Variants in BRIP1 observed in about 807,000 individuals in gnomAD.
The protein encoded by BRIP1 is Fanconi anemia group J protein.
A neutral mutation model predicts 119.7 loss-of-function variants in BRIP1; 88 were observed. The observed-to-expected ratio is 0.74, with a 90% CI of 0.62 to 0.88. The LOEUF is 0.88. Ranked by LOEUF, BRIP1 falls within the 40% of genes least tolerant of loss-of-function variation. BRIP1 has a pLI of 0.00. For missense variants in BRIP1, 1,259 were observed against 1,455.4 expected, an observed-to-expected ratio of 0.87 and a Z score of 2.20; for synonymous variants, 443 against 496.5, an observed-to-expected ratio of 0.89 and a Z score of 1.43.
chr17:61,818,956 G>A (rs2078278871), intron 6 of BRIP1, among the ~76,000 whole-genome samples: 1 of 151,812 alleles, frequency 6.6e-6, no homozygotes, highest in African/African-American at 2.4e-5. Context: ...GAGGCCGAGG[G>A]GGGCAGATCA....
At chr17:61,764,203 A>G (rs2077318360) in intron 14 of BRIP1, among the ~76,000 whole-genome samples, 1 of 152,196 alleles carries the variant, frequency 6.6e-6, no homozygotes. Context: ...GTCCCCTTGC[A>G]TAAACCTCAT....
intron 13 of BRIP1, among the ~76,000 whole-genome samples, chr17:61,779,220 A>G (rs1004008441): frequency 6.6e-6 from 1 of 152,180 alleles, no homozygotes; most frequent in African/African-American, 2.4e-5. Flanking sequence ...GGCACAGAGG[A>G]AGAACGTGGA....
rs2077225376 is a variant in BRIP1 at position 61,758,162 on chromosome 17, T to A, written c.2098-13571A>T. The stretch of plus-strand genomic sequence containing the variant: ...TCATTTAGTTAAAATGTATATAATC[T>A]GACTTGTTTTGCTTTTTAAAAATGA... On this transcript the variant is annotated intron_variant, in intron 14 of 19. Coordinates refer to ENST00000259008, the MANE Select transcript of BRIP1 (RefSeq NM_032043.3). The surrounding 1 kb of genome is among the most constrained non-coding windows in gnomAD (Gnocchi z 5.3). Among the ~76,000 whole-genome samples, 1 of 152,238 alleles carries A rather than the reference T, an allele frequency of 6.6e-6. No individual in the cohort carries two copies. Among genetic ancestry groups the A allele is most frequent in the Non-Finnish European group, 1.5e-5 (1 of 68,038 alleles).
rs1396543242 is a variant in BRIP1 at position 61,717,150 on chromosome 17, C to T, written c.2380-1087G>A. Among the ~76,000 whole-genome samples the T allele has an allele frequency of 3.9e-5, 6 of 152,018 alleles. No individual in the cohort carries two copies. Among genetic ancestry groups the T allele is most frequent in the African/African-American group, 1.4e-4 (6 of 41,428 alleles). ...AGATAGTACAGAGATTCCTTATACC[C>T]TTTACCCAATTTCCCCTAATGTTAA... is the stretch of plus-strand genomic sequence containing the variant. On this transcript the variant is annotated intron_variant, in intron 16 of 19. Transcript: ENST00000259008. This position sits in a 1 kb window ranked among gnomAD's most constrained non-coding sequence, Gnocchi z 4.1.
chr17:61,837,529 T>C (rs1429464558), intron 6 of BRIP1, among the ~76,000 whole-genome samples: 1 of 152,074 alleles, frequency 6.6e-6, no homozygotes, highest in African/African-American at 2.4e-5. Flanking sequence ...TAAAGAATGT[T>C]AGCATTTATT....
In BRIP1 at chr17:61,684,278, G is replaced by T. The variant is rs561877170; in HGVS notation, c.2906-138C>A. 43 of 976,306 alleles carry T rather than the reference G, an allele frequency of 4.4e-5. No individual in the cohort carries two copies. The Middle Eastern group carries it at 1.3e-3, about 30-fold the overall frequency. 60.5% of individuals were successfully genotyped at this position (976,306 alleles called of 1,614,324 possible). On this transcript the variant is annotated intron_variant, in intron 19 of 19. Coordinates refer to ENST00000259008, the MANE Select transcript of BRIP1 (RefSeq NM_032043.3). The surrounding 1 kb of genome is among the most constrained non-coding windows in gnomAD (Gnocchi z 4.5). The stretch of plus-strand genomic sequence containing the variant: ...TTAGAGCCCCCAACGAATACTAGTG[G>T]ATTTTCATCTTGGAACAGAATATTA...
chr17:61,813,079 A>G (rs890099117), intron 6 of BRIP1, among the ~76,000 whole-genome samples: 1 of 152,146 alleles, frequency 6.6e-6, no homozygotes, highest in African/African-American at 2.4e-5. Context: ...TTCATTGCCA[A>G]AGAAGAAGTT....
In BRIP1 at chr17:61,776,687, G is replaced by A; in HGVS notation, c.1936-125C>T. ...TAACAATTTATTTTTAAATTGTCAG[G>A]GGGTTTTCTATTACCTTCAATTAAC... On this transcript the variant is annotated intron_variant, in intron 13 of 19. Transcript: ENST00000259008. The surrounding 1 kb of genome is among the most constrained non-coding windows in gnomAD (Gnocchi z 5.0). The A allele has an allele frequency of 9.5e-7, 1 of 1,052,954 alleles. No individual in the cohort carries two copies. Among genetic ancestry groups the A allele is most frequent in the South Asian group, 1.4e-5 (1 of 72,962 alleles). 65.2% of individuals were successfully genotyped at this position (1,052,954 alleles called of 1,614,324 possible).
chr17:61,781,356 T>G (rs1216066475), intron 11 of BRIP1, among the ~76,000 whole-genome samples: 1 of 152,216 alleles, frequency 6.6e-6, no homozygotes, highest in Non-Finnish European at 1.5e-5. Flanking sequence ...CATGCTCTAC[T>G]ACATGATGAG....
chr17:61,757,178 AC>A lies in BRIP1; in HGVS notation c.2098-12588del, dbSNP rs1364086869. Among the ~76,000 whole-genome samples the A allele has an allele frequency of 6.6e-6, 1 of 152,210 alleles. No homozygotes were observed. Among genetic ancestry groups the A allele is most frequent in the Non-Finnish European group, 1.5e-5 (1 of 68,034 alleles). ...AAAAAGTAGTAGTGTTTTTTAAATA[AC>A]TTTTTTAGTTACAGTAAAAATGAAT... On this transcript the variant is annotated intron_variant, in intron 14 of 19. Transcript: ENST00000259008. The surrounding 1 kb of genome is among the most constrained non-coding windows in gnomAD (Gnocchi z 4.3).
At position 61,686,006 on chromosome 17, in the gene BRIP1, G is replaced by T. The variant is rs571949350; in HGVS notation, c.2735C>A (p.Thr912Asn). 8.1e-6 allele frequency: 13 copies of T among 1,613,952 alleles called. No homozygotes were observed. In the South Asian group the frequency reaches 1.3e-4, roughly 16 times the overall value. ...AGGTGAGGTACTGTACTTTAAAGAG[G>T]TCACTTCAAGTGTAGACTCATTGTC... The part of the protein sequence containing the change: ...IQDNESTLEV[T>N]SLKYSTSPYL... The change falls in exon 19 of 20, where the codon ACC becomes AAC. Residue 912 changes from threonine (T) to asparagine (N), a missense_variant. Thr to Asn is a moderately conservative substitution (Grantham distance 65, BLOSUM62 0). Transcript: ENST00000259008. This position sits in a 1 kb window ranked among gnomAD's most constrained non-coding sequence, Gnocchi z 5.4.
rs1048060057 is a variant in BRIP1, at chr17:61,803,010, GTGT to G, written c.919-1539_919-1537del. Among the ~76,000 whole-genome samples, 36 of 151,910 alleles carry G rather than the reference GTGT, an allele frequency of 2.4e-4. No homozygotes were observed. Among genetic ancestry groups the G allele is most frequent in the African/African-American group, 8.4e-4 (35 of 41,450 alleles). On this transcript the variant is annotated intron_variant, in intron 7 of 19. Transcript: ENST00000259008. This position sits in a 1 kb window ranked among gnomAD's most constrained non-coding sequence, Gnocchi z 4.3. ...ATAGTTTCTAGCAAAGTTTAACATA[GTGT>G]TGTATGAATAGTCTAACAAGGTTCA...
chr17:61,858,502 T>C (rs574718687), intron 3 of BRIP1, among the ~76,000 whole-genome samples: 172 of 151,882 alleles, frequency 1.1e-3, no homozygotes, highest in African/African-American at 4.0e-3. Flanking sequence ...GCCTCTCGAG[T>C]AGCTGGGATT....
At position 61,683,734 on chromosome 17, in the gene BRIP1, T is replaced by C. The variant is rs1555572697; in HGVS notation, c.3312A>G (p.Glu1104=). The change falls in exon 20 of 20, where the codon GAA becomes GAG. Residue 1104 remains glutamate (E), a synonymous_variant. Coordinates refer to ENST00000259008, the MANE Select transcript of BRIP1 (RefSeq NM_032043.3). This position sits in a 1 kb window ranked among gnomAD's most constrained non-coding sequence, Gnocchi z 4.7. The part of the protein sequence containing the change: ...CSEEALDPDI[E]LSLVSEEDKQ... The stretch of plus-strand genomic sequence containing the variant: ...TATCTTCTTCACTTACTAGAGACAA[T>C]TCAATGTCTGGATCCAGGGCTTCTT... The C allele has an allele frequency of 6.2e-7, 1 of 1,614,138 alleles. No homozygotes were observed. The highest frequency in any genetic ancestry group is 8.5e-7 in the Non-Finnish European group (1 of 1,180,004).
intron 6 of BRIP1, among the ~76,000 whole-genome samples, chr17:61,833,180 C>G (rs190001305): frequency 2.0e-5 from 3 of 152,136 alleles, no homozygotes; most frequent in Admixed American, 6.5e-5. Flanking sequence ...ACACTCATGT[C>G]GGATGGGTTG....
In BRIP1 at chr17:61,705,641, T is replaced by G. The variant is rs2061680895; in HGVS notation, c.2492+10310A>C. 6.6e-6 allele frequency among the ~76,000 whole-genome samples: 1 copy of G among 152,204 alleles called. No homozygotes were observed. The highest frequency in any genetic ancestry group is 2.4e-5 in the African/African-American group (1 of 41,454). ...TTTTCTAGCTTCATAAGGTAGAAAC[T>G]AAGATCAATGATTTGAGGATGTTTT... On this transcript the variant is annotated intron_variant, in intron 17 of 19. Transcript: ENST00000259008. The surrounding 1 kb of genome is among the most constrained non-coding windows in gnomAD (Gnocchi z 5.0).
In BRIP1 at chr17:61,848,755, A is replaced by G. The variant is rs1049646762; in HGVS notation, c.507+374T>C. Among the ~76,000 whole-genome samples the G allele has an allele frequency of 2.6e-5, 4 of 152,222 alleles. No individual in the cohort carries two copies. Among genetic ancestry groups the G allele is most frequent in the Admixed American group, 2.6e-4 (4 of 15,286 alleles). On this transcript the variant is annotated intron_variant, in intron 5 of 19. Coordinates refer to ENST00000259008, the MANE Select transcript of BRIP1 (RefSeq NM_032043.3). This position sits in a 1 kb window ranked among gnomAD's most constrained non-coding sequence, Gnocchi z 4.3. ...TAAAACTATCAATTCCAAAATATCC[A>G]TAACATGAATAATCATATCAAAGGT...
intron 18 of BRIP1, among the ~76,000 whole-genome samples, chr17:61,692,129 G>C (rs1034029249): frequency 5.9e-5 from 9 of 152,360 alleles, no homozygotes; most frequent in African/African-American, 1.7e-4. Context: ...TGCTATGATT[G>C]TAGACTTTCT....
In BRIP1 at chr17:61,752,881, T is replaced by C. The variant is rs971185270; in HGVS notation, c.2098-8290A>G. Among the ~76,000 whole-genome samples, 27 of 152,314 alleles carry C rather than the reference T, an allele frequency of 1.8e-4. No homozygotes were observed. The highest frequency in any genetic ancestry group is 3.2e-4 in the Non-Finnish European group (22 of 68,024). On this transcript the variant is annotated intron_variant, in intron 14 of 19. Coordinates refer to ENST00000259008, the MANE Select transcript of BRIP1 (RefSeq NM_032043.3). This position sits in a 1 kb window ranked among gnomAD's most constrained non-coding sequence, Gnocchi z 6.2. ...AAGGGAGAAAAAGGTTCACAGGTGC[T>C]CTGTAGGTATATGATTAGCCCAAAT...
Sources: allele counts gnomAD v4.1 joint callset (sites outside exome capture counted in the v4.1 genomes callset), GRCh38; gene constraint gnomAD v4.1.1; non-coding constraint Gnocchi (gnomAD v3.1); transcripts MANE v1.5; gene names NCBI Gene and HGNC (gene_info 2026-07-23, HGNC 2026-07-21).